Variants in ODF2 observed in about 807,000 individuals in gnomAD.
ODF2 encodes outer dense fiber protein 2.
In ODF2, 47 loss-of-function variants were observed where a neutral mutation model predicts 110.2. The observed-to-expected ratio is 0.43, with a 90% confidence interval of 0.34 to 0.54. The LOEUF (loss-of-function observed/expected upper bound fraction) is 0.54. Among genes scored for constraint, ODF2 ranks in the 20% least tolerant of loss-of-function variants. The pLI, the probability that ODF2 is intolerant of heterozygous loss-of-function variation, is 0.03. For missense variants in ODF2, 812 were observed against 1,054.5 expected (o/e 0.77, Z 3.19); for synonymous variants, 352 against 397.7 (o/e 0.89, Z 1.37).
chr9:128,481,908 A>G (rs1423570529), intron 9 of ODF2, among the ~76,000 whole-genome samples: 2 of 152,198 alleles, frequency 1.3e-5, no homozygotes, highest in African/African-American at 4.8e-5. Context: ...TGGATTTGTA[A>G]ATCATCCGTG....
chr9:128,496,200 T>A, intron 18 of ODF2, 59 bp downstream of exon 18: 1 of 1,608,470 alleles, frequency 6.2e-7, no homozygotes, highest in Non-Finnish European at 8.5e-7. Context: ...TTTCAGCCAC[T>A]TAGCTGTTTT....
At chr9:128,478,140 G>A (rs1841710138) in intron 8 of ODF2, among the ~76,000 whole-genome samples, 1 of 152,146 alleles carries the variant, frequency 6.6e-6, no homozygotes, top group South Asian at 2.1e-4. Context: ...GGGATTACAG[G>A]TGTGCATCAC....
chr9:128,473,192 C>T (rs1840460873), intron 7 of ODF2, 150 bp downstream of exon 7: 2 of 1,460,734 alleles, frequency 1.4e-6, no homozygotes, highest in Non-Finnish European at 1.8e-6. Context: ...CCACCCACCA[C>T]TCTCACTTCC....
intron 14 of ODF2, among the ~76,000 whole-genome samples, chr9:128,489,820 A>G (rs1844178274): frequency 1.3e-5 from 2 of 152,220 alleles, no homozygotes; most frequent in Admixed American, 1.3e-4. Context: ...GTCACTGAGT[A>G]GTAAAGTAGT....
At chr9:128,466,958 CAG>C (rs1838097515) in intron 4 of ODF2, among the ~76,000 whole-genome samples, 1 of 105,880 alleles carries the variant, frequency 9.4e-6, no homozygotes, top group South Asian at 3.6e-4. Flanking sequence ...GCCTGGGTGA[CAG>C]AGCGAGACTC....
exon 12 of ODF2, chr9:128,484,829 G>A (rs1365989042): frequency 6.2e-7 from 1 of 1,613,994 alleles, no homozygotes; most frequent in Non-Finnish European, 8.5e-7. Flanking sequence ...CCCAGAAGGA[G>A]CGAGCCGAGA....
intron 5 of ODF2, 46 bp downstream of exon 5, chr9:128,469,399 C>T: frequency 6.3e-7 from 1 of 1,588,868 alleles, no homozygotes; most frequent in East Asian, 2.2e-5. Flanking sequence ...TGAGGATGTG[C>T]AGGAGCACCC....
chr9:128,457,530 C>A, intron 2 of ODF2: 1 of 1,441,666 alleles, frequency 6.9e-7, no homozygotes, highest in Non-Finnish European at 9.2e-7. Flanking sequence ...CCAGCTTCCT[C>A]ATTGTGTTTG....
At chr9:128,472,919 G>A (rs369571295) in exon 7 of ODF2, 132 of 1,614,038 alleles carry the variant, frequency 8.2e-5, no homozygotes, top group Middle Eastern at 6.6e-4. Flanking sequence ...CCAGACTTCA[G>A]AAGAAACACC....
intron 4 of ODF2, among the ~76,000 whole-genome samples, chr9:128,467,291 A>G (rs1309836381): frequency 6.6e-5 from 10 of 151,810 alleles, no homozygotes; most frequent in African/African-American, 2.2e-4. Flanking sequence ...ATATTGAAAC[A>G]TAGTAAATAT....
At chr9:128,469,426 T>C in intron 5 of ODF2, 73 bp downstream of exon 5, 1 of 1,517,960 alleles carries the variant, frequency 6.6e-7, no homozygotes, top group Admixed American at 1.7e-5. Flanking sequence ...ATTTCCTGCC[T>C]GGTCCCTCAG....
At chr9:128,483,525 A>G (rs1842807959) in intron 10 of ODF2, among the ~76,000 whole-genome samples, 1 of 151,472 alleles carries the variant, frequency 6.6e-6, no homozygotes, top group African/African-American at 2.4e-5. Flanking sequence ...TGAGGCTGCA[A>G]TGAGTCATGG....
chr9:128,469,668 A>G (rs1412132573), intron 5 of ODF2, among the ~76,000 whole-genome samples: 2 of 152,020 alleles, frequency 1.3e-5, no homozygotes, highest in Non-Finnish European at 2.9e-5. Flanking sequence ...TACCTAGGAA[A>G]CTAGGGCCTA....
intron 1 of ODF2, chr9:128,457,177 T>C: frequency 6.9e-7 from 1 of 1,447,722 alleles, no homozygotes; most frequent in South Asian, 1.2e-5. Context: ...CAGCCTCTAC[T>C]ATTTCCCCCT....
chr9:128,492,916 AG>A (rs1240970944), intron 16 of ODF2, 111 bp downstream of exon 16: 5 of 838,662 alleles, frequency 6.0e-6, no homozygotes, highest in Non-Finnish European at 9.5e-6. Flanking sequence ...TGGGCAACAA[AG>A]GTGAGCTCAT....
chr9:128,487,319 C>T (rs1357482239), intron 13 of ODF2, among the ~76,000 whole-genome samples: 1 of 152,132 alleles, frequency 6.6e-6, no homozygotes, highest in African/African-American at 2.4e-5. Context: ...GTATGGGAGA[C>T]ACATCTTAAC....
At chr9:128,482,161 T>C (rs574425252) in intron 9 of ODF2, among the ~76,000 whole-genome samples, 38 of 152,328 alleles carry the variant, frequency 2.5e-4, no homozygotes, top group South Asian at 8.3e-4. Flanking sequence ...TTCAACAGCT[T>C]CTTTCAAGAC....
chr9:128,469,530 T>G, intron 5 of ODF2, 177 bp downstream of exon 5: 1 of 631,472 alleles, frequency 1.6e-6, no homozygotes. Flanking sequence ...TGGGATCCCA[T>G]CCCACCAACA....
intron 6 of ODF2, among the ~76,000 whole-genome samples, 187 bp downstream of exon 6, chr9:128,471,655 G>C (rs1292903150): frequency 6.6e-6 from 1 of 152,024 alleles, no homozygotes; most frequent in Non-Finnish European, 1.5e-5. Context: ...TTTGTACTAT[G>C]AGGGAAAGGG....
Sources: allele counts gnomAD v4.1 joint callset (sites outside exome capture counted in the v4.1 genomes callset), GRCh38; gene constraint gnomAD v4.1.1; transcripts MANE v1.5; gene names NCBI Gene and HGNC (gene_info 2026-07-23, HGNC 2026-07-21).